PDE4B: variants seen among roughly 807,000 people sequenced by gnomAD.
PDE4B encodes the protein phosphodiesterase 4B.
A neutral mutation model predicts 82.2 loss-of-function variants in PDE4B; 20 were observed. The observed-to-expected ratio is 0.24, with a 90% confidence interval of 0.17 to 0.35. The LOEUF (loss-of-function observed/expected upper bound fraction) is 0.35. PDE4B is among the 10% of genes least tolerant of loss of function. PDE4B has a pLI of 1.00. For synonymous variants in PDE4B, 320 were observed against 318.9 expected (o/e 1.00, Z -0.04); for missense variants, 655 against 907.2 (o/e 0.72, Z 3.57).
intron 3 of PDE4B, among the ~76,000 whole-genome samples, chr1:66,137,049 A>T (rs1317368790): frequency 3.3e-5 from 5 of 152,164 alleles, no homozygotes; most frequent in African/African-American, 1.2e-4. Context: ...AGGGTTTTTG[A>T]GAAGTGTGGA....
intron 7 of PDE4B, among the ~76,000 whole-genome samples, chr1:66,308,235 A>G (rs1022385820): frequency 6.6e-6 from 1 of 152,170 alleles, no homozygotes; most frequent in African/African-American, 2.4e-5. Flanking sequence ...ACACTTCCTA[A>G]TGATAAGCTC....
chr1:65,930,247 G>T (rs1475560700), intron 3 of PDE4B, among the ~76,000 whole-genome samples: 3 of 152,208 alleles, frequency 2.0e-5, no homozygotes, highest in African/African-American at 4.8e-5. Flanking sequence ...GATTAAGGGT[G>T]AATCCTCTTT....
chr1:65,814,030 A>G (rs918199350), intron 1 of PDE4B, among the ~76,000 whole-genome samples: 2 of 152,186 alleles, frequency 1.3e-5, no homozygotes, highest in Non-Finnish European at 2.9e-5. Flanking sequence ...AGAACAGTGA[A>G]GAAGTCCAAG....
intron 1 of PDE4B, among the ~76,000 whole-genome samples, chr1:65,845,078 A>C (rs573035590): frequency 6.6e-6 from 1 of 152,140 alleles, no homozygotes; most frequent in South Asian, 2.1e-4. Context: ...TCATTTCTGT[A>C]CTCTGGCCTC....
At chr1:65,813,471 G>C (rs1645843312) in intron 1 of PDE4B, among the ~76,000 whole-genome samples, 1 of 152,178 alleles carries the variant, frequency 6.6e-6, no homozygotes, top group African/African-American at 2.4e-5. Context: ...AAAAGTATTT[G>C]GAAGGTGGTC....
At chr1:66,059,178 G>T (rs1024707177) in intron 3 of PDE4B, among the ~76,000 whole-genome samples, 9 of 152,116 alleles carry the variant, frequency 5.9e-5, no homozygotes, top group Non-Finnish European at 1.3e-4. Flanking sequence ...CATCACCTTT[G>T]CTCCAGTTCC....
intron 3 of PDE4B, among the ~76,000 whole-genome samples, chr1:66,086,394 G>A (rs892440762): frequency 6.6e-6 from 1 of 152,096 alleles, no homozygotes; most frequent in Non-Finnish European, 1.5e-5. Flanking sequence ...AGGTGGAGTA[G>A]AGTAAAGGGT....
At chr1:65,913,436 G>C in intron 2 of PDE4B, 80 bp downstream of exon 2, 2 of 1,391,592 alleles carry the variant, frequency 1.4e-6, no homozygotes, top group South Asian at 1.2e-5. Flanking sequence ...AGGGCAGCTG[G>C]GGGCATTTAA....
At chr1:65,989,022 CCTTT>C (rs556625207) in intron 3 of PDE4B, among the ~76,000 whole-genome samples, 156 of 152,082 alleles carry the variant, frequency 1.0e-3, no homozygotes, top group Middle Eastern at 6.8e-3. Context: ...AATTAATTGA[CCTTT>C]CTTTTCAATT....
intron 1 of PDE4B, among the ~76,000 whole-genome samples, chr1:65,819,508 T>G (rs1645926874): frequency 2.0e-5 from 3 of 151,004 alleles, no homozygotes; most frequent in South Asian, 4.2e-4. Flanking sequence ...TGTTTTGTTT[T>G]TTTTTTTTTT....
At chr1:66,251,571 C>A (rs1328445964) in intron 4 of PDE4B, among the ~76,000 whole-genome samples, 3 of 152,102 alleles carry the variant, frequency 2.0e-5, no homozygotes, top group Non-Finnish European at 4.4e-5. Flanking sequence ...AGTCAATAGG[C>A]AATTTTAGCA....
At chr1:65,839,254 ATT>A (rs1218379862) in intron 1 of PDE4B, among the ~76,000 whole-genome samples, 1 of 145,812 alleles carries the variant, frequency 6.9e-6, no homozygotes. Flanking sequence ...AATACCAATG[ATT>A]TTTTTTTTTT....
intron 7 of PDE4B, among the ~76,000 whole-genome samples, chr1:66,310,892 G>A (rs1357949111): frequency 6.6e-6 from 1 of 152,164 alleles, no homozygotes; most frequent in East Asian, 1.9e-4. Context: ...AACACTAATA[G>A]TATGTAAAAT....
intron 3 of PDE4B, among the ~76,000 whole-genome samples, chr1:65,989,047 C>A (rs1431103257): frequency 6.6e-6 from 1 of 151,964 alleles, no homozygotes; most frequent in Non-Finnish European, 1.5e-5. Flanking sequence ...CAATGAAAAT[C>A]AAAATGTTTC....
At chr1:65,973,435 G>C (rs1034534234) in intron 3 of PDE4B, among the ~76,000 whole-genome samples, 3 of 152,092 alleles carry the variant, frequency 2.0e-5, no homozygotes, top group Admixed American at 1.3e-4. Context: ...TCAGTACTTA[G>C]TATTTTTCAG....
At chr1:66,135,558 A>G (rs2101125673) in intron 3 of PDE4B, among the ~76,000 whole-genome samples, 2 of 152,330 alleles carry the variant, frequency 1.3e-5, no homozygotes, top group Non-Finnish European at 2.9e-5. Flanking sequence ...GATGCCAATG[A>G]CTGGGAACAC....
At chr1:65,885,136 A>G (rs920193147) in intron 1 of PDE4B, among the ~76,000 whole-genome samples, 3 of 152,232 alleles carry the variant, frequency 2.0e-5, no homozygotes, top group Non-Finnish European at 2.9e-5. Flanking sequence ...GCCATCAGAG[A>G]AATGCAAATC....
intron 9 of PDE4B, among the ~76,000 whole-genome samples, chr1:66,357,391 T>C (rs1662336036): frequency 6.6e-6 from 1 of 152,124 alleles, no homozygotes; most frequent in Admixed American, 6.5e-5. Flanking sequence ...ATAAAGATGA[T>C]TCATTCCTCA....
chr1:65,944,216 A>C (rs1648586197), intron 3 of PDE4B, among the ~76,000 whole-genome samples: 1 of 151,686 alleles, frequency 6.6e-6, no homozygotes, highest in South Asian at 2.1e-4. Flanking sequence ...GAATTTTGTC[A>C]GTTGCTTTTT....
Sources: allele counts gnomAD v4.1 joint callset (sites outside exome capture counted in the v4.1 genomes callset), GRCh38; gene constraint gnomAD v4.1.1; transcripts MANE v1.5; gene names NCBI Gene and HGNC (gene_info 2026-07-23, HGNC 2026-07-21).